Variants in LILRA5 observed in about 807,000 individuals in gnomAD.
LILRA5 encodes leukocyte immunoglobulin like receptor A5, also known as leukocyte immunoglobulin-like receptor subfamily A member 5.
LILRA5 carries 31 observed loss-of-function variants against 36.3 expected under a neutral mutation model. The ratio of observed to expected loss-of-function variants is 0.85; its 90% confidence interval spans 0.64 to 1.15. The LOEUF is 1.15. Among genes scored for constraint, LILRA5 ranks in the 50% most tolerant of loss-of-function variants. The pLI is 0.00. For missense variants in LILRA5, 348 were observed against 377.4 expected, an observed-to-expected ratio of 0.92 and a Z score of 0.64; for synonymous variants, 144 against 144.8, an observed-to-expected ratio of 0.99 and a Z score of 0.04.
At chr19:54,310,576 A>G in intron 5 of LILRA5, 1 of 165,792 alleles carries the variant, frequency 6.0e-6, no homozygotes, top group Non-Finnish European at 1.3e-5. Flanking sequence ...AGAGCAGACC[A>G]GGTCTTAGGG....
chr19:54,307,387 C>A lies in LILRA5; in HGVS notation c.*26G>T. 6.3e-7 allele frequency: 1 copy of A among 1,583,160 alleles called. No individual in the cohort carries two copies. Among genetic ancestry groups the A allele is most frequent in the South Asian group, 1.2e-5 (1 of 85,260 alleles). On this transcript the variant is annotated 3_prime_UTR_variant, in exon 7 of 7. Transcript: ENST00000432233. ...GATTCGCTTCCAAGGCTCCAGCATT[C>A]AATGGTGCATTGTTCTCTCTTCTGT... is the stretch of plus-strand genomic sequence containing the variant.
chr19:54,310,015 GC>G, intron 5 of LILRA5: 1 of 312,160 alleles, frequency 3.2e-6, no homozygotes, highest in Admixed American at 4.0e-5. Flanking sequence ...CTCTAAAGGA[GC>G]AGGTCTGGCG....
chr19:54,309,629 T>C (rs943983535), intron 5 of LILRA5: 2 of 152,188 alleles, frequency 1.3e-5, no homozygotes, highest in African/African-American at 4.8e-5. Flanking sequence ...CAATTTTATA[T>C]ATTAATAATA....
At chr19:54,312,783 AC>A in intron 1 of LILRA5, 162 bp from the exon 2 acceptor site, 1 of 806,762 alleles carries the variant, frequency 1.2e-6, no homozygotes, top group Non-Finnish European at 2.0e-6. Context: ...GACTACAGGC[AC>A]CAGGCTCTCT....
chr19:54,307,935 T>C, intron 5 of LILRA5, 187 bp from the exon 6 acceptor site: 1 of 599,080 alleles, frequency 1.7e-6, no homozygotes, highest in Non-Finnish European at 3.0e-6. Context: ...TTATTTCAGC[T>C]TTCCTTTGTT....
chr19:54,312,719 G>T, intron 1 of LILRA5, 98 bp from the exon 2 acceptor site: 1 of 1,203,072 alleles, frequency 8.3e-7, no homozygotes, highest in Non-Finnish European at 1.2e-6. Flanking sequence ...AAGGGGAACT[G>T]CTCTCCCCAG....
intron 5 of LILRA5, 30 bp downstream of exon 5, chr19:54,311,384 T>C (rs375283642): frequency 6.8e-6 from 11 of 1,614,034 alleles, no homozygotes; most frequent in Non-Finnish European, 9.3e-6. Context: ...CTTCCCTGAA[T>C]TGTACTAGAG....
chr19:54,307,677 T>C (rs375147509), intron 6 of LILRA5, 21 bp downstream of exon 6: 1 of 1,614,004 alleles, frequency 6.2e-7, no homozygotes. Context: ...GTTCCATAAC[T>C]GAGAGCATCT....
intron 5 of LILRA5, chr19:54,310,963 T>C: frequency 4.4e-6 from 1 of 225,078 alleles, no homozygotes; most frequent in Non-Finnish European, 9.1e-6. Context: ...TTTTTCTTTT[T>C]TTTTTTTTTT....
At chr19:54,308,885 A>G (rs2080954482) in intron 5 of LILRA5, 1 of 152,212 alleles carries the variant, frequency 6.6e-6, no homozygotes, top group African/African-American at 2.4e-5. Flanking sequence ...ATTCAGATGT[A>G]ACTTATATAA....
chr19:54,310,744 C>T (rs575599434), intron 5 of LILRA5: 48 of 316,616 alleles, frequency 1.5e-4, no homozygotes, highest in South Asian at 9.3e-4. Flanking sequence ...GAGGAGGTCA[C>T]GTCTGTCCTC....
In LILRA5 at chr19:54,311,541, G is replaced by A; in HGVS notation, c.585C>T (p.Phe195=). 1 of 1,614,152 alleles carries A rather than the reference G, an allele frequency of 6.2e-7. No individual in the cohort carries two copies. The highest frequency in any genetic ancestry group is 8.5e-7 in the Non-Finnish European group (1 of 1,180,010). Residue 195 remains phenylalanine, a synonymous_variant, in exon 5 of 7, where the codon TTC becomes TTT. Coordinates refer to ENST00000432233, the MANE Select transcript of LILRA5 (RefSeq NM_021250.4). Reference sequence around the variant, plus strand: ...CAGGGCCCACAGGGAACAGGGCCTGGAACTGCCCACTGGGGGTCAGCTGTG... The same window carrying A: ...CAGGGCCCACAGGGAACAGGGCCTGAAACTGCCCACTGGGGGTCAGCTGTG... ...LDSQLTPSGQ[F]QALFPVGPVT...
At position 54,307,277 on chromosome 19, in the gene LILRA5, A is replaced by G; in HGVS notation, c.*136T>C. ...AAAAAAAAAAAAAAAGAAAGAAAAG[A>G]AAAGAAAGAAAAAAAGAAATTGCCA... On this transcript the variant is annotated 3_prime_UTR_variant, in exon 7 of 7. Transcript: ENST00000432233. The G allele has an allele frequency of 1.4e-6, 1 of 724,914 alleles. No individual in the cohort carries two copies. The highest frequency in any genetic ancestry group is 2.0e-6 in the Non-Finnish European group (1 of 493,042). 44.9% of individuals were successfully genotyped at this position (724,914 alleles called of 1,614,324 possible).
In LILRA5 at chr19:54,310,906, G is replaced by C. The variant is rs547687466; in HGVS notation, c.712+508C>G. The stretch of plus-strand genomic sequence containing the variant: ...AAAGGAGCCGGGACTGCAGGGGCTG[G>C]TTCCTCCTATAAACCTCCTTCTGGA... On this transcript the variant is annotated intron_variant, in intron 5 of 6. Transcript: ENST00000432233. 3 of 241,628 alleles carry C rather than the reference G, an allele frequency of 1.2e-5. No individual in the cohort carries two copies. The Admixed American group carries it at 1.6e-4, about 13-fold the overall frequency. The allele number at this position is 241,628 out of a possible 1,614,324, so 15.0% of individuals were successfully genotyped here.
intron 5 of LILRA5, chr19:54,310,666 T>TG (rs1338107663): frequency 1.1e-5 from 3 of 272,470 alleles, no homozygotes; most frequent in African/African-American, 2.3e-5. Flanking sequence ...GAGGGGGCTT[T>TG]GGGGGTCACT....
chr19:54,309,971 C>A, intron 5 of LILRA5: 1 of 288,806 alleles, frequency 3.5e-6, no homozygotes, highest in South Asian at 2.9e-5. Context: ...ACAGGAGGGG[C>A]GGTGTGAGTG....
At chr19:54,308,058 C>T in intron 5 of LILRA5, 1 of 389,426 alleles carries the variant, frequency 2.6e-6, no homozygotes, top group Non-Finnish European at 4.8e-6. Flanking sequence ...CCTTTGTGCT[C>T]TCTGTGCAGC....
rs1569137289 is a variant in LILRA5, at chr19:54,307,444, T to C, written c.869A>G (p.Gln290Arg). 1 of 1,613,648 alleles carries C rather than the reference T, an allele frequency of 6.2e-7. No individual in the cohort carries two copies. Among genetic ancestry groups the C allele is most frequent in the Non-Finnish European group, 8.5e-7 (1 of 1,179,834 alleles). ...TCCAGCTGCAGCTTGGGGGCTTCTC[T>C]GGCTGTGCCAATCCTGAAATATCAG... is the stretch of plus-strand genomic sequence containing the variant. ...GILIFQDWHSQRSPQAAAGR is the reference protein window; with the variant it reads ...GILIFQDWHSRRSPQAAAGR The change falls in exon 7 of 7, where the codon CAG (glutamine) becomes CGG (arginine). Residue 290 changes from glutamine to arginine, a missense_variant. Physicochemically the swap from Gln to Arg is conservative, Grantham distance 43 (BLOSUM62 1). Transcript: ENST00000432233.
At position 54,311,912 on chromosome 19, in the gene LILRA5, G is replaced by A. The variant is rs1161905623; in HGVS notation, c.361C>T (p.Pro121Ser). ...AGRYRCYYYS[P>S]AGWSEPSDPL... ...TCGCTGGGCTCTGACCAGCCTGCAG[G>A]GCTGTAGTAGTAACAGCGGTATCTC... is the stretch of plus-strand genomic sequence containing the variant. Residue 121 changes from proline to serine, a missense_variant, in exon 4 of 7, where the codon CCT becomes TCT. Coordinates refer to ENST00000432233, the MANE Select transcript of LILRA5 (RefSeq NM_021250.4). 6 of 1,614,004 alleles carry A rather than the reference G, an allele frequency of 3.7e-6. No homozygotes were observed. The South Asian group carries it at 4.4e-5, about 12-fold the overall frequency.
Sources: gnomAD v4.1 joint callset for allele counts on GRCh38, gnomAD v4.1.1 for gene constraint, MANE v1.5 for transcripts, NCBI Gene and HGNC (gene_info 2026-07-23, HGNC 2026-07-21) for gene names.